Variants in TMEM165 observed in about 807,000 individuals in gnomAD.
TMEM165 encodes the protein putative divalent cation/proton antiporter TMEM165.
A neutral mutation model predicts 30.0 loss-of-function variants in TMEM165; 19 were observed. That is an observed-to-expected ratio of 0.63 (90% CI 0.44 to 0.93). The LOEUF is 0.93. Among genes scored for constraint, TMEM165 ranks in the 40% least tolerant of loss-of-function variants. The pLI is 0.00. For synonymous variants in TMEM165, 168 were observed against 162.9 expected (o/e 1.03, Z -0.24); for missense variants, 340 against 417.0 (o/e 0.82, Z 1.61).
rs73816276 is a variant in TMEM165 at position 55,425,605 on chromosome 4, T to C, written c.*153T>C. On this transcript the variant is annotated 3_prime_UTR_variant, in exon 6 of 6. Transcript: ENST00000381334. ...CATTATTATGTCTGAGATATAATCATTGATTCTATTTGTAACAAGGAGTTT... is the reference window on the plus strand; with the variant it reads ...CATTATTATGTCTGAGATATAATCACTGATTCTATTTGTAACAAGGAGTTT... 4.7e-3 allele frequency: 2,712 copies of C among 579,798 alleles called. 61 individuals carry two copies. The highest frequency in any genetic ancestry group is 0.045 in the African/African-American group (2,399 of 52,774). The allele number at this position is 579,798 out of a possible 1,614,324, so 35.9% of individuals were successfully genotyped here.
At chr4:55,419,341 G>A (rs1721870246) in intron 4 of TMEM165, among the ~76,000 whole-genome samples, 1 of 152,024 alleles carries the variant, frequency 6.6e-6, no homozygotes, top group Non-Finnish European at 1.5e-5. Flanking sequence ...AAAAGTCTTA[G>A]CCCAAGAATC....
chr4:55,417,744 T>G, intron 3 of TMEM165, 59 bp from the exon 4 acceptor site: 2 of 1,336,038 alleles, frequency 1.5e-6, no homozygotes, highest in South Asian at 2.9e-5. Context: ...TCAAGTGATT[T>G]GTGTGCTATT....
chr4:55,439,475 T>G (rs1193816186), intron 3 of TMEM165, among the ~76,000 whole-genome samples: 1 of 152,136 alleles, frequency 6.6e-6, no homozygotes, highest in Non-Finnish European at 1.5e-5. Flanking sequence ...AAAAATTCAC[T>G]ATAGGATTAC....
At chr4:55,421,036 T>C (rs1721953032) in intron 4 of TMEM165, among the ~76,000 whole-genome samples, 2 of 151,624 alleles carry the variant, frequency 1.3e-5, no homozygotes, top group African/African-American at 2.4e-5. Context: ...ACAAAAATTA[T>C]CCAGGCATGG....
At chr4:55,452,136 G>A (rs1417524391) in intron 3 of TMEM165, 2 of 152,168 alleles carry the variant, frequency 1.3e-5, no homozygotes, top group South Asian at 4.1e-4. Context: ...TTGAGTGTGG[G>A]CTGGATCTAC....
At chr4:55,452,958 A>G (rs1490397536) in exon 4 of TMEM165, 8 of 840,082 alleles carry the variant, frequency 9.5e-6, no homozygotes, top group Non-Finnish European at 1.5e-5. Flanking sequence ...GAGGAAATAA[A>G]GTATTTTTGA....
intron 4 of TMEM165, 197 bp downstream of exon 4, chr4:55,418,182 A>G: frequency 2.1e-6 from 1 of 485,622 alleles, no homozygotes; most frequent in Non-Finnish European, 3.5e-6. Flanking sequence ...TCTTGTAACC[A>G]AGCTCAGTTG....
chr4:55,432,570 A>G (rs937943618), intron 3 of TMEM165: 3 of 142,338 alleles, frequency 2.1e-5, no homozygotes, highest in African/African-American at 7.8e-5. Flanking sequence ...TGGCTATAGA[A>G]ATGAAGAACA....
intron 1 of TMEM165, among the ~76,000 whole-genome samples, chr4:55,400,281 TTA>T (rs1720918280): frequency 1.1e-5 from 1 of 95,182 alleles, no homozygotes; most frequent in Non-Finnish European, 1.8e-5. Flanking sequence ...TAATATAATA[TTA>T]TATATTATAT....
intron 3 of TMEM165, among the ~76,000 whole-genome samples, chr4:55,437,160 T>C (rs994164144): frequency 1.6e-4 from 24 of 152,236 alleles, no homozygotes; most frequent in African/African-American, 5.5e-4. Context: ...TTTAGGCAAC[T>C]AGCCTGTTTT....
chr4:55,417,724 C>T (rs1721796673), intron 3 of TMEM165, 79 bp from the exon 4 acceptor site: 2 of 1,199,230 alleles, frequency 1.7e-6, no homozygotes, highest in Non-Finnish European at 2.3e-6. Context: ...AATTTAAACA[C>T]TTAGAAAAGT....
chr4:55,398,885 A>C (rs1720839437), intron 1 of TMEM165: 1 of 115,292 alleles, frequency 8.7e-6, no homozygotes, highest in South Asian at 4.5e-4. Flanking sequence ...AAAAAAAAAA[A>C]AAACAACAAC....
At chr4:55,429,373 G>A (rs1027124505), downstream of TMEM165, 7 of 152,176 alleles carry the variant, frequency 4.6e-5, no homozygotes, top group Non-Finnish European at 8.8e-5. Context: ...GAGTCCTAAA[G>A]TGGAGGATTC....
chr4:55,417,025 T>C (rs1475836067), intron 2 of TMEM165, 47 bp from the exon 3 acceptor site: 1 of 1,485,418 alleles, frequency 6.7e-7, no homozygotes, highest in Non-Finnish European at 9.0e-7. Flanking sequence ...GTTCCCTTGG[T>C]CGTGATACAC....
chr4:55,450,977 T>C (rs529982587), intron 3 of TMEM165, among the ~76,000 whole-genome samples: 1 of 152,096 alleles, frequency 6.6e-6, no homozygotes, highest in Admixed American at 6.5e-5. Flanking sequence ...CCTTCACCAA[T>C]GTTTCTTTCT....
At chr4:55,434,075 AG>A (rs1368062291) in intron 3 of TMEM165, 2 of 152,634 alleles carry the variant, frequency 1.3e-5, no homozygotes, top group Admixed American at 1.3e-4. Flanking sequence ...CAGTCTTCAG[AG>A]GAACTTATTA....
intron 3 of TMEM165, among the ~76,000 whole-genome samples, chr4:55,451,520 C>A (rs1206078153): frequency 6.6e-6 from 1 of 152,170 alleles, no homozygotes; most frequent in Non-Finnish European, 1.5e-5. Context: ...ATTGAAGTTT[C>A]TCAAAAATAT....
At chr4:55,447,913 G>C (rs1460852122) in intron 3 of TMEM165, among the ~76,000 whole-genome samples, 3 of 152,098 alleles carry the variant, frequency 2.0e-5, no homozygotes, top group African/African-American at 7.2e-5. Context: ...ATGTGTTTGA[G>C]GCACTGAATG....
chr4:55,396,371 A>G lies in TMEM165; in HGVS notation c.182A>G (p.Gln61Arg), dbSNP rs1192027620. Residue 61 changes from glutamine to arginine, a missense_variant, in exon 1 of 6, where the codon CAG becomes CGG. Gln to Arg is a conservative substitution (Grantham distance 43, BLOSUM62 1). This residue lies in a region of TMEM165 where 120 missense variants were observed against 109.4 expected (regional missense o/e 1.10). Transcript: ENST00000381334. ...QQLQPQPVAV[Q>R]GPEPARVEKI... ...CTGCAGCCGCAGCCTGTGGCTGTGC[A>G]GGGCCCCGAGCCGGCCCGGGTCGAG... The G allele has an allele frequency of 1.3e-6, 2 of 1,503,308 alleles. No individual in the cohort carries two copies. The highest frequency in any genetic ancestry group is 1.8e-6 in the Non-Finnish European group (2 of 1,131,548). The allele number at this position is 1,503,308 out of a possible 1,614,324, so 93.1% of individuals were successfully genotyped here.
Sources: allele counts gnomAD v4.1 joint callset (sites outside exome capture counted in the v4.1 genomes callset), GRCh38; gene constraint gnomAD v4.1.1; regional missense constraint gnomAD v4.1.1; transcripts MANE v1.5; gene names NCBI Gene and HGNC (gene_info 2026-07-23, HGNC 2026-07-21).